The following SMIM31 variants were observed in gnomAD, a reference collection of about 807,000 sequenced individuals.
SMIM31 encodes small integral membrane protein 31, also known as human epithelial cell program regulator.
At chr4:164,797,584 C>A (rs1384686130) in intron 2 of SMIM31, among the ~76,000 whole-genome samples, 3 of 151,590 alleles carry the variant, frequency 2.0e-5, no homozygotes, top group Admixed American at 1.3e-4. Flanking sequence ...CTGCCTCAGC[C>A]TCCTGAGTGG....
chr4:164,791,886 T>C (rs1270211968), intron 2 of SMIM31, among the ~76,000 whole-genome samples: 1 of 152,196 alleles, frequency 6.6e-6, no homozygotes, highest in East Asian at 1.9e-4. Flanking sequence ...TGTCTGTTTA[T>C]ACCACTTCGT....
intron 2 of SMIM31, among the ~76,000 whole-genome samples, chr4:164,788,174 A>G (rs573514563): frequency 3.3e-4 from 51 of 152,280 alleles, no homozygotes; most frequent in African/African-American, 1.2e-3. Flanking sequence ...AATGTTTTTA[A>G]TGCTATGTAA....
At chr4:164,760,738 TAAAAAAAAA>T (rs60710008) in intron 1 of SMIM31, among the ~76,000 whole-genome samples, 1 of 86,248 alleles carries the variant, frequency 1.2e-5, no homozygotes, top group Admixed American at 1.4e-4. Context: ...AGACTCCACC[TAAAAAAAAA>T]AAAAAAAAAA....
chr4:164,757,665 C>CA (rs1175728620), intron 1 of SMIM31, among the ~76,000 whole-genome samples: 1 of 151,130 alleles, frequency 6.6e-6, no homozygotes, highest in Non-Finnish European at 1.5e-5. Context: ...CCACTGTTTT[C>CA]AAAAAAACAT....
intron 1 of SMIM31, among the ~76,000 whole-genome samples, chr4:164,754,774 A>T (rs1732535162): frequency 6.6e-6 from 1 of 151,300 alleles, no homozygotes; most frequent in Non-Finnish European, 1.5e-5. Flanking sequence ...ATACGATTTC[A>T]CTCAGTTCTT....
intron 2 of SMIM31, among the ~76,000 whole-genome samples, chr4:164,792,295 TA>T (rs1733112296): frequency 6.6e-6 from 1 of 151,396 alleles, no homozygotes; most frequent in Admixed American, 6.6e-5. Context: ...ATATATTTTT[TA>T]AAGATGTGTA....
chr4:164,755,692 T>C (rs905038173), intron 1 of SMIM31, among the ~76,000 whole-genome samples: 7 of 151,894 alleles, frequency 4.6e-5, no homozygotes, highest in African/African-American at 1.2e-4. Flanking sequence ...ACTGATGTTA[T>C]TGATTTGCCT....
intron 1 of SMIM31, among the ~76,000 whole-genome samples, chr4:164,763,298 T>C (rs1217458139): frequency 6.6e-6 from 1 of 152,208 alleles, no homozygotes; most frequent in African/African-American, 2.4e-5. Context: ...TTCTTCAACA[T>C]GTTATATTAT....
intron 1 of SMIM31, among the ~76,000 whole-genome samples, chr4:164,764,583 A>T: frequency 6.6e-6 from 1 of 151,708 alleles, no homozygotes; most frequent in East Asian, 1.9e-4. Flanking sequence ...AAAAAAGAAA[A>T]AAATAGAAAA....
intron 2 of SMIM31, among the ~76,000 whole-genome samples, chr4:164,800,735 G>C (rs1272540984): frequency 6.6e-6 from 1 of 152,116 alleles, no homozygotes; most frequent in African/African-American, 2.4e-5. Flanking sequence ...GTCTTTATAT[G>C]TGACATGTTT....
chr4:164,777,668 C>G lies in SMIM31; in HGVS notation c.112+7113C>G, dbSNP rs1245422051. Among the ~76,000 whole-genome samples the G allele has an allele frequency of 2.6e-5, 4 of 152,110 alleles. No homozygotes were observed. The East Asian group carries it at 7.7e-4, about 29-fold the overall frequency. ...TAATGATCCTTCATCAAAGGTGTGTCCAGCCTCTTGACAAGCAGTAGCTAT... is the reference window on the plus strand; with the variant it reads ...TAATGATCCTTCATCAAAGGTGTGTGCAGCCTCTTGACAAGCAGTAGCTAT... On this transcript the variant is annotated intron_variant, in intron 2 of 2. Coordinates refer to ENST00000507311, the MANE Select transcript of SMIM31 (RefSeq NM_001352885.1).
rs984788820 is a variant in SMIM31, at chr4:164,801,696, A to G, written c.*502A>G. ...ACACTATATATTTTTTCAGCTTTAC[A>G]GAAGAAATTTTGAAAGGTTTACATT... On this transcript the variant is annotated 3_prime_UTR_variant, in exon 3 of 3. Coordinates refer to ENST00000507311, the MANE Select transcript of SMIM31 (RefSeq NM_001352885.1). 1 of 152,242 alleles carries G rather than the reference A, an allele frequency of 6.6e-6. No individual in the cohort carries two copies. Among genetic ancestry groups the G allele is most frequent in the African/African-American group, 2.4e-5 (1 of 41,454 alleles). The allele number at this position is 152,242 out of a possible 1,614,324, so 9.4% of individuals were successfully genotyped here. A position where few individuals can be genotyped will look rare whatever the true frequency, so the allele number is the denominator to read the frequency against.
chr4:164,770,208 C>A (rs1732775193), intron 1 of SMIM31, among the ~76,000 whole-genome samples: 1 of 151,390 alleles, frequency 6.6e-6, no homozygotes, highest in African/African-American at 2.4e-5. Flanking sequence ...AGGCTCTCTT[C>A]CAATCTACAC....
At chr4:164,799,403 T>TA (rs1311676461) in intron 2 of SMIM31, among the ~76,000 whole-genome samples, 3 of 151,316 alleles carry the variant, frequency 2.0e-5, no homozygotes, top group Admixed American at 1.3e-4. Context: ...AATAAATAAA[T>TA]AAATAAAATA....
chr4:164,793,610 A>C (rs1291702806), intron 2 of SMIM31, among the ~76,000 whole-genome samples: 2 of 152,180 alleles, frequency 1.3e-5, no homozygotes, highest in Admixed American at 1.3e-4. Context: ...GTTTGCTTAC[A>C]TGATTTCTTC....
chr4:164,795,683 G>A lies in SMIM31; in HGVS notation c.113-5408G>A, dbSNP rs192002312. 9.1e-3 allele frequency among the ~76,000 whole-genome samples: 1,375 copies of A among 150,638 alleles called. 13 individuals carry two copies. The highest frequency in any genetic ancestry group is 0.014 in the Non-Finnish European group (956 of 67,562). ...CACAGAGTTGTTGGGAAGAGCAAAT[G>A]TTTAATAAATAAATAAAGATTGTAT... On this transcript the variant is annotated intron_variant, in intron 2 of 2. Coordinates refer to ENST00000507311, the MANE Select transcript of SMIM31 (RefSeq NM_001352885.1).
chr4:164,798,900 G>A lies in SMIM31; in HGVS notation c.113-2191G>A, dbSNP rs569760961. ...TAGGGAGGAGGTTCTCATGAAGTCC[G>A]ACTGTTTAAAGTGTGTGGCATCTTA... is the stretch of plus-strand genomic sequence containing the variant. On this transcript the variant is annotated intron_variant, in intron 2 of 2. Transcript: ENST00000507311. 2.6e-5 allele frequency among the ~76,000 whole-genome samples: 4 copies of A among 152,144 alleles called. No individual in the cohort carries two copies. The East Asian group carries it at 7.7e-4, about 29-fold the overall frequency.
chr4:164,761,532 T>C (rs1056049041), intron 1 of SMIM31, among the ~76,000 whole-genome samples: 3 of 152,132 alleles, frequency 2.0e-5, no homozygotes, highest in African/African-American at 7.2e-5. Flanking sequence ...AAGAGTTGGG[T>C]CAATTCTACT....
intron 1 of SMIM31, among the ~76,000 whole-genome samples, chr4:164,766,879 G>A (rs918524434): frequency 2.0e-5 from 3 of 152,146 alleles, no homozygotes; most frequent in African/African-American, 7.2e-5. Flanking sequence ...TAGATTAGAA[G>A]TCAAGAAATG....
Sources: gnomAD v4.1 joint callset for allele counts (sites outside exome capture counted in the v4.1 genomes callset) on GRCh38, gnomAD v4.1.1 for gene constraint, MANE v1.5 for transcripts, NCBI Gene and HGNC (gene_info 2026-07-23, HGNC 2026-07-21) for gene names.